The following MACROD2 variants were observed in gnomAD, a reference collection of about 807,000 sequenced individuals.
MACROD2 encodes the protein ADP-ribose glycohydrolase MACROD2.
A neutral mutation model predicts 70.4 loss-of-function variants in MACROD2; 36 were observed. The ratio of observed to expected loss-of-function variants is 0.51; its 90% CI spans 0.39 to 0.68. MACROD2 has a LOEUF of 0.68. MACROD2 is among the 30% of genes least tolerant of loss of function. The pLI, the probability that MACROD2 is intolerant of heterozygous loss-of-function variation, is 0.00. For synonymous variants in MACROD2, 172 were observed against 178.8 expected, an observed-to-expected ratio of 0.96 and a Z score of 0.30; for missense variants, 496 against 538.4, an observed-to-expected ratio of 0.92 and a Z score of 0.78.
intron 3 of MACROD2, among the ~76,000 whole-genome samples, chr20:14,346,410 T>C (rs1274242876): frequency 6.6e-6 from 1 of 152,178 alleles, no homozygotes; most frequent in Non-Finnish European, 1.5e-5. Flanking sequence ...TCCTACATTA[T>C]CTGATTCTGC....
At chr20:14,742,826 A>G (rs1473444068) in intron 5 of MACROD2, among the ~76,000 whole-genome samples, 2 of 150,558 alleles carry the variant, frequency 1.3e-5, no homozygotes, top group Middle Eastern at 3.5e-3. Context: ...GAGTGCAGTG[A>G]CGGGATCTCG....
chr20:15,655,130 T>C (rs572145832), intron 8 of MACROD2, among the ~76,000 whole-genome samples: 38 of 151,890 alleles, frequency 2.5e-4, no homozygotes, highest in African/African-American at 8.7e-4. Context: ...TGTGTGTGCG[T>C]GTGTGTGTTG....
chr20:14,453,021 C>A (rs1375557196), intron 3 of MACROD2, among the ~76,000 whole-genome samples: 1 of 151,946 alleles, frequency 6.6e-6, no homozygotes. Flanking sequence ...GTCCTTAGGA[C>A]AAGAAGTGAG....
chr20:15,960,671 G>A (rs976928726), intron 12 of MACROD2, among the ~76,000 whole-genome samples: 2 of 152,114 alleles, frequency 1.3e-5, no homozygotes, highest in African/African-American at 4.8e-5. Flanking sequence ...TGTATAGAGT[G>A]CATTCAGAAA....
At chr20:15,897,353 A>G (rs1048092743) in intron 10 of MACROD2, among the ~76,000 whole-genome samples, 3 of 152,084 alleles carry the variant, frequency 2.0e-5, no homozygotes, top group African/African-American at 7.2e-5. Flanking sequence ...TTTGTGTTCC[A>G]TAGTATCACT....
At chr20:14,314,389 CT>C (rs1419217760) in intron 3 of MACROD2, among the ~76,000 whole-genome samples, 3 of 152,174 alleles carry the variant, frequency 2.0e-5, no homozygotes, top group African/African-American at 4.8e-5. Context: ...ACACTTCCCT[CT>C]TTTTGTCATT....
chr20:14,044,665 C>G (rs952391742), intron 2 of MACROD2, among the ~76,000 whole-genome samples: 1 of 152,166 alleles, frequency 6.6e-6, no homozygotes, highest in African/African-American at 2.4e-5. Flanking sequence ...TTTACAAACC[C>G]TGAGCTAGAT....
intron 3 of MACROD2, among the ~76,000 whole-genome samples, chr20:14,190,689 T>TATAC (rs1302506021): frequency 2.3e-5 from 1 of 43,084 alleles, no homozygotes; most frequent in Non-Finnish European, 4.2e-5. Flanking sequence ...TATATATATA[T>TATAC]ATATATATAT....
In MACROD2 at chr20:15,672,344, A is replaced by G. The variant is rs2049990984; in HGVS notation, c.645+172497A>G. Among the ~76,000 whole-genome samples, 3 of 103,894 alleles carry G rather than the reference A, an allele frequency of 2.9e-5. No homozygotes were observed. In the South Asian group the frequency reaches 1.1e-3, roughly 39 times the overall value. 68.2% of individuals were successfully genotyped at this position (103,894 alleles called of 152,430 possible). On this transcript the variant is annotated intron_variant, in intron 8 of 17. Coordinates refer to ENST00000684519, the MANE Select transcript of MACROD2 (RefSeq NM_001351661.2). ...CTAGTTCATTTTCAAAATCTGTTCT[A>G]TTTTACACACACACACACACACACA...
chr20:15,506,584 G>A lies in MACROD2; in HGVS notation c.645+6737G>A, dbSNP rs187197863. On this transcript the variant is annotated intron_variant, in intron 8 of 17. Transcript: ENST00000684519. ...TTTCAGCATCACGTTATGGATCACC[G>A]AAAAAAAACCCCAGTGTGGGGCCTG... Among the ~76,000 whole-genome samples the A allele has an allele frequency of 1.7e-3, 257 of 151,862 alleles. 4 individuals carry two copies. The highest frequency in any genetic ancestry group is 3.6e-3 in the African/African-American group (150 of 41,384).
At chr20:15,744,351 G>T (rs750639326) in intron 8 of MACROD2, among the ~76,000 whole-genome samples, 15 of 152,154 alleles carry the variant, frequency 9.9e-5, no homozygotes, top group Non-Finnish European at 1.6e-4. Context: ...CATTGTGAGA[G>T]TTAAATGCAG....
intron 8 of MACROD2, among the ~76,000 whole-genome samples, chr20:15,546,653 G>A (rs1456091037): frequency 1.3e-5 from 2 of 152,158 alleles, no homozygotes; most frequent in Non-Finnish European, 2.9e-5. Context: ...GAGGGAGACA[G>A]AGGAGCTTTT....
At chr20:14,548,866 G>A (rs1476872350) in intron 4 of MACROD2, among the ~76,000 whole-genome samples, 1 of 152,016 alleles carries the variant, frequency 6.6e-6, no homozygotes, top group Non-Finnish European at 1.5e-5. Context: ...GCTAAAAAAA[G>A]GGTGACAAGC....
chr20:14,841,503 T>C (rs983824845), intron 5 of MACROD2, among the ~76,000 whole-genome samples: 9 of 149,176 alleles, frequency 6.0e-5, no homozygotes, highest in Admixed American at 6.8e-5. Context: ...TACCTGAGAT[T>C]ACCTTTCAAG....
At chr20:15,987,289 C>A in intron 15 of MACROD2, 131 bp downstream of exon 15, 2 of 709,082 alleles carry the variant, frequency 2.8e-6, no homozygotes, top group Non-Finnish European at 4.6e-6. Context: ...TTCCTTAACC[C>A]CAAATCTCCG....
At chr20:15,702,544 A>C (rs919991669) in intron 8 of MACROD2, among the ~76,000 whole-genome samples, 12 of 152,208 alleles carry the variant, frequency 7.9e-5, no homozygotes, top group African/African-American at 2.6e-4. Flanking sequence ...GAATTGTTTA[A>C]GTTCTTATAG....
chr20:15,698,705 A>C (rs991434557), intron 8 of MACROD2, among the ~76,000 whole-genome samples: 1 of 152,100 alleles, frequency 6.6e-6, no homozygotes, highest in Non-Finnish European at 1.5e-5. Context: ...CCTCAGGAAC[A>C]CTGATTATTC....
intron 3 of MACROD2, among the ~76,000 whole-genome samples, chr20:14,205,553 G>T (rs1393868731): frequency 6.6e-6 from 1 of 152,180 alleles, no homozygotes; most frequent in African/African-American, 2.4e-5. Context: ...CCCTTAGTCT[G>T]ACCCACTTCA....
At chr20:14,339,197 C>T (rs1008305512) in intron 3 of MACROD2, among the ~76,000 whole-genome samples, 14 of 152,106 alleles carry the variant, frequency 9.2e-5, no homozygotes, top group African/African-American at 3.1e-4. Flanking sequence ...TAGGTGAACC[C>T]TTGATAAGAA....
Sources: allele counts gnomAD v4.1 joint callset (sites outside exome capture counted in the v4.1 genomes callset), GRCh38; gene constraint gnomAD v4.1.1; transcripts MANE v1.5; gene names NCBI Gene and HGNC (gene_info 2026-07-23, HGNC 2026-07-21).